CCDC180: variants seen among roughly 807,000 people sequenced by gnomAD.
CCDC180 encodes the protein coiled-coil domain containing 180.
CCDC180 carries 154 observed loss-of-function variants against 209.2 expected under a neutral mutation model. The ratio of observed to expected loss-of-function variants is 0.74; its 90% CI spans 0.65 to 0.84. The LOEUF is 0.84. Ranked by LOEUF, CCDC180 falls within the 40% of genes least tolerant of loss-of-function variation. The pLI, the probability that CCDC180 is intolerant of heterozygous loss-of-function variation, is 0.00. For missense variants in CCDC180, 1,874 were observed against 1,997.3 expected (o/e 0.94, Z 1.18); for synonymous variants, 778 against 749.1 (o/e 1.04, Z -0.63).
chr9:97,307,908 G>T (rs1048301616), intron 1 of CCDC180, 75 bp from the exon 2 acceptor site: 4 of 1,585,148 alleles, frequency 2.5e-6, no homozygotes, highest in Non-Finnish European at 3.4e-6. Flanking sequence ...CTGCCCTGGG[G>T]TGCCGCCTCG....
At chr9:97,312,822 T>C (rs1481933802) in intron 4 of CCDC180, among the ~76,000 whole-genome samples, 1 of 152,190 alleles carries the variant, frequency 6.6e-6, no homozygotes, top group East Asian at 1.9e-4. Context: ...AACTTGGTTC[T>C]ACAACCCCCC....
intron 10 of CCDC180, among the ~76,000 whole-genome samples, chr9:97,319,839 C>A (rs898010004): frequency 3.3e-5 from 5 of 151,994 alleles, no homozygotes; most frequent in African/African-American, 9.7e-5. Context: ...AGATTAAGTC[C>A]CAGAAGGAGG....
intron 18 of CCDC180, among the ~76,000 whole-genome samples, chr9:97,334,358 A>C (rs1310480506): frequency 6.6e-6 from 1 of 152,206 alleles, no homozygotes; most frequent in African/African-American, 2.4e-5. Flanking sequence ...TACATGATTT[A>C]ATCTGCATGA....
chr9:97,313,317 T>C lies in CCDC180; in HGVS notation c.431T>C (p.Phe144Ser). Residue 144 changes from phenylalanine (F) to serine (S), a missense_variant, in exon 5 of 37, where the codon TTT becomes TCT. Transcript: ENST00000529487. ...AGCTACGAGAGCGCTCTGGCCAGCT[T>C]TCAGGAGGAGATTGCGCAGGTGGGA... ...RKSYESALAS[F>S]QEEIAQVGKE... The C allele has an allele frequency of 1.9e-6, 3 of 1,611,980 alleles. No individual in the cohort carries two copies. The highest frequency in any genetic ancestry group is 2.5e-6 in the Non-Finnish European group (3 of 1,178,606).
chr9:97,321,173 C>T (rs1833346088), intron 11 of CCDC180, among the ~76,000 whole-genome samples: 1 of 152,104 alleles, frequency 6.6e-6, no homozygotes. Flanking sequence ...TAGGCTAAGC[C>T]ATGATGTTTG....
Position 97,370,092 on chromosome 9 carries a change from C to G in CCDC180, c.4350+10C>G, listed in dbSNP as rs553449064. ...GCTGGAGAAAAGAAAGGTGAGGGCC[C>G]CAGGACCAGCCCTTCCACTCTAGGA... is the stretch of plus-strand genomic sequence containing the variant. On this transcript the variant is annotated intron_variant, in intron 32 of 36. Coordinates refer to ENST00000529487, the MANE Select transcript of CCDC180 (RefSeq NM_020893.6). 1.2e-6 allele frequency: 2 copies of G among 1,612,192 alleles called. No individual in the cohort carries two copies. The highest frequency in any genetic ancestry group is 1.1e-5 in the South Asian group (1 of 90,844).
At chr9:97,316,684 C>T (rs1833183795) in intron 8 of CCDC180, among the ~76,000 whole-genome samples, 1 of 152,148 alleles carries the variant, frequency 6.6e-6, no homozygotes, top group Admixed American at 6.5e-5. Context: ...ATATGTGGCT[C>T]GTCCCTGATG....
At chr9:97,318,741 A>G (rs1259045098) in intron 10 of CCDC180, among the ~76,000 whole-genome samples, 159 bp downstream of exon 10, 1 of 151,984 alleles carries the variant, frequency 6.6e-6, no homozygotes, top group Non-Finnish European at 1.5e-5. Flanking sequence ...TTTCAGCCCC[A>G]CTCACAAGAA....
At chr9:97,352,383 C>T (rs992369306) in intron 22 of CCDC180, among the ~76,000 whole-genome samples, 1 of 152,122 alleles carries the variant, frequency 6.6e-6, no homozygotes, top group Non-Finnish European at 1.5e-5. Context: ...TCTGTCTGGG[C>T]TCTGGGTGTG....
chr9:97,352,699 G>A (rs773618101), intron 22 of CCDC180, among the ~76,000 whole-genome samples: 30 of 152,078 alleles, frequency 2.0e-4, no homozygotes, highest in Non-Finnish European at 3.8e-4. Flanking sequence ...TATAAAAATA[G>A]AATTTTAAAA....
At chr9:97,342,671 T>C (rs1826121999) in intron 18 of CCDC180, among the ~76,000 whole-genome samples, 1 of 152,202 alleles carries the variant, frequency 6.6e-6, no homozygotes. Flanking sequence ...ATGGCTTTCC[T>C]TATGCCTCCC....
At chr9:97,370,499 C>A (rs1359913126) in intron 32 of CCDC180, 142 bp from the exon 33 acceptor site, 26 of 922,486 alleles carry the variant, frequency 2.8e-5, no homozygotes, top group Non-Finnish European at 1.8e-5. Context: ...AACCCCTCTG[C>A]CACTCTTCTG....
intron 36 of CCDC180, 113 bp from the exon 37 acceptor site, chr9:97,376,650 C>A: frequency 1.8e-6 from 2 of 1,099,528 alleles, no homozygotes; most frequent in Non-Finnish European, 2.6e-6. Context: ...AGAACTCTTG[C>A]CAGTGCCTGG....
At chr9:97,330,214 G>A (rs1825692828) in intron 17 of CCDC180, 21 bp downstream of exon 17, 1 of 1,613,380 alleles carries the variant, frequency 6.2e-7, no homozygotes, top group Non-Finnish European at 8.5e-7. Context: ...TTCAATTCAA[G>A]TTTTATTCTC....
intron 18 of CCDC180, among the ~76,000 whole-genome samples, chr9:97,342,284 G>A (rs1790222918): frequency 6.6e-6 from 1 of 152,178 alleles, no homozygotes; most frequent in Admixed American, 6.5e-5. Flanking sequence ...GCAGACCGGA[G>A]CTGTTCCTAT....
chr9:97,374,731 T>C (rs533423016), intron 35 of CCDC180, 83 bp downstream of exon 35: 3 of 1,108,592 alleles, frequency 2.7e-6, no homozygotes, highest in Non-Finnish European at 4.0e-6. Context: ...GGGCTTGGAC[T>C]CTGAAGTCAG....
chr9:97,312,746 G>T (rs901162415), intron 4 of CCDC180, among the ~76,000 whole-genome samples: 6 of 137,576 alleles, frequency 4.4e-5, no homozygotes, highest in African/African-American at 1.3e-4. Context: ...AAAGGGGACA[G>T]CAGAGCATAT....
intron 18 of CCDC180, 105 bp from the exon 19 acceptor site, chr9:97,343,235 G>C (rs1268035503): frequency 4.4e-6 from 3 of 677,338 alleles, no homozygotes; most frequent in Non-Finnish European, 7.5e-6. Flanking sequence ...CCATAATCTT[G>C]GCCCAAAATT....
chr9:97,340,490 C>G (rs12005236), intron 18 of CCDC180, among the ~76,000 whole-genome samples: 1 of 152,144 alleles, frequency 6.6e-6, no homozygotes, highest in Non-Finnish European at 1.5e-5. Context: ...TGATTATATA[C>G]GAATATCATT....
Sources: allele counts gnomAD v4.1 joint callset (sites outside exome capture counted in the v4.1 genomes callset), GRCh38; gene constraint gnomAD v4.1.1; transcripts MANE v1.5; gene names NCBI Gene and HGNC (gene_info 2026-07-23, HGNC 2026-07-21).